Variants in DPP10 observed in about 807,000 individuals in gnomAD.
DPP10 encodes dipeptidyl peptidase like 10, also known as inactive dipeptidyl peptidase 10.
A neutral mutation model predicts 120.9 loss-of-function variants in DPP10; 33 were observed. That is an observed-to-expected ratio of 0.27 (90% CI 0.21 to 0.37). DPP10 has a LOEUF of 0.37. Ranked by LOEUF, DPP10 falls within the 10% of genes least tolerant of loss-of-function variation. DPP10 has a pLI of 1.00. For synonymous variants in DPP10, 337 were observed against 326.1 expected, an observed-to-expected ratio of 1.03 and a Z score of -0.36; for missense variants, 816 against 942.8, an observed-to-expected ratio of 0.87 and a Z score of 1.76.
At chr2:115,544,188 A>G (rs1331344361) in intron 5 of DPP10, among the ~76,000 whole-genome samples, 1 of 152,020 alleles carries the variant, frequency 6.6e-6, no homozygotes, top group East Asian at 1.9e-4. Context: ...TAAAAATGAA[A>G]ATTTCTTATG....
At chr2:115,181,355 G>A (rs528544300) in intron 1 of DPP10, among the ~76,000 whole-genome samples, 13 of 152,288 alleles carry the variant, frequency 8.5e-5, no homozygotes, top group African/African-American at 2.9e-4. Context: ...TCATGATTCT[G>A]TTGGTCAGGA....
At chr2:115,523,412 A>AC (rs1321812813) in intron 4 of DPP10, among the ~76,000 whole-genome samples, 79 of 151,116 alleles carry the variant, frequency 5.2e-4, no homozygotes, top group Middle Eastern at 3.4e-3. Context: ...AAAAAAAAAA[A>AC]AAAAAAAAAA....
chr2:115,619,746 A>G (rs1390942150), intron 5 of DPP10, among the ~76,000 whole-genome samples: 2 of 152,022 alleles, frequency 1.3e-5, no homozygotes, highest in Non-Finnish European at 2.9e-5. Context: ...CACAACACCT[A>G]TTATCATTTA....
At chr2:114,832,894 G>A (rs2139409) in intron 1 of DPP10, among the ~76,000 whole-genome samples, 107,684 of 152,006 alleles carry the variant, frequency 0.71, 38,740 homozygotes, top group South Asian at 0.78. Flanking sequence ...AAATGCTTAT[G>A]CTTTGAATAA....
At chr2:114,720,323 T>G (rs1011409014) in intron 1 of DPP10, among the ~76,000 whole-genome samples, 4 of 152,176 alleles carry the variant, frequency 2.6e-5, no homozygotes, top group African/African-American at 9.7e-5. Context: ...GTTAAATAAC[T>G]TATTTTCTGT....
chr2:115,694,730 G>T (rs1419479636), intron 7 of DPP10, among the ~76,000 whole-genome samples: 1 of 152,162 alleles, frequency 6.6e-6, no homozygotes, highest in Non-Finnish European at 1.5e-5. Flanking sequence ...TATTGAAAGT[G>T]TGTAAATTTT....
intron 1 of DPP10, among the ~76,000 whole-genome samples, chr2:114,688,471 A>G (rs1014780879): frequency 4.6e-5 from 7 of 151,930 alleles, no homozygotes; most frequent in Admixed American, 3.3e-4. Context: ...TCATGTAGAA[A>G]TGCAACAAAA....
intron 1 of DPP10, among the ~76,000 whole-genome samples, chr2:115,299,851 TAAG>T (rs780266142): frequency 6.6e-6 from 1 of 152,096 alleles, no homozygotes; most frequent in East Asian, 1.9e-4. Context: ...CTTTATCAAT[TAAG>T]AAAAAAGTTT....
intron 1 of DPP10, among the ~76,000 whole-genome samples, chr2:114,930,430 C>G (rs999839577): frequency 6.6e-6 from 1 of 152,162 alleles, no homozygotes; most frequent in African/African-American, 2.4e-5. Context: ...TACCTTAGAA[C>G]AGCATTCTTA....
intron 1 of DPP10, among the ~76,000 whole-genome samples, chr2:115,152,589 A>G (rs2051630620): frequency 6.6e-6 from 1 of 151,982 alleles, no homozygotes; most frequent in Non-Finnish European, 1.5e-5. Flanking sequence ...GTTTTCATAG[A>G]TTTCTTATAT....
chr2:115,575,927 C>A (rs545478302), intron 5 of DPP10, among the ~76,000 whole-genome samples: 1 of 152,312 alleles, frequency 6.6e-6, no homozygotes, highest in Admixed American at 6.5e-5. Context: ...CAGTCAGCAA[C>A]AAAACATAGA....
Position 115,213,520 on chromosome 2 carries a change from C to T in DPP10, c.61-95719C>T, listed in dbSNP as rs79773537. ...TGATCATATACTGCTTACCTTCGCT[C>T]TTTTTAGACTAAAGTCTTTTTCTTT... On this transcript the variant is annotated intron_variant, in intron 1 of 25. Coordinates refer to ENST00000410059, the MANE Select transcript of DPP10 (RefSeq NM_020868.6). Among the ~76,000 whole-genome samples the T allele has an allele frequency of 2.0e-3, 310 of 152,150 alleles. 3 individuals carry two copies. The Middle Eastern group carries it at 0.044, about 22-fold the overall frequency.
intron 1 of DPP10, among the ~76,000 whole-genome samples, chr2:114,762,877 G>A (rs1407443192): frequency 1.3e-5 from 2 of 152,170 alleles, no homozygotes; most frequent in Admixed American, 6.6e-5. Context: ...GGAATGTTGA[G>A]ATAAGAGACA....
chr2:114,970,748 A>G (rs1265199648), intron 1 of DPP10, among the ~76,000 whole-genome samples: 3 of 152,168 alleles, frequency 2.0e-5, no homozygotes, highest in Non-Finnish European at 4.4e-5. Flanking sequence ...CAGTTGTACA[A>G]TTTGTTTTTT....
intron 10 of DPP10, among the ~76,000 whole-genome samples, chr2:115,747,631 T>C (rs987206630): frequency 6.7e-6 from 1 of 148,270 alleles, no homozygotes; most frequent in Admixed American, 6.9e-5. Context: ...TCTCACTCTG[T>C]CACCCAGGCT....
At chr2:114,995,138 C>T (rs993441540) in intron 1 of DPP10, among the ~76,000 whole-genome samples, 1 of 152,174 alleles carries the variant, frequency 6.6e-6, no homozygotes, top group Admixed American at 6.5e-5. Flanking sequence ...GGAGAACCTG[C>T]CCAGAGGAGC....
At chr2:114,910,014 A>G (rs1694251118) in intron 1 of DPP10, among the ~76,000 whole-genome samples, 1 of 151,832 alleles carries the variant, frequency 6.6e-6, no homozygotes, top group African/African-American at 2.4e-5. Context: ...ATCTATATAT[A>G]AACATGTGTG....
At chr2:115,048,595 C>T (rs1705237665) in intron 1 of DPP10, among the ~76,000 whole-genome samples, 1 of 152,038 alleles carries the variant, frequency 6.6e-6, no homozygotes, top group Non-Finnish European at 1.5e-5. Context: ...CTATTATGAT[C>T]TGGGGTCTGT....
chr2:114,975,118 C>T (rs1162679213), intron 1 of DPP10, among the ~76,000 whole-genome samples: 4 of 151,720 alleles, frequency 2.6e-5, no homozygotes, highest in African/African-American at 9.7e-5. Context: ...CAGCTCACTG[C>T]AGCCTCCATC....
Sources: allele counts gnomAD v4.1 joint callset (sites outside exome capture counted in the v4.1 genomes callset), GRCh38; gene constraint gnomAD v4.1.1; transcripts MANE v1.5; gene names NCBI Gene and HGNC (gene_info 2026-07-23, HGNC 2026-07-21).